TRPM2: variants seen among roughly 807,000 people sequenced by gnomAD.
The protein encoded by TRPM2 is transient receptor potential cation channel subfamily M member 2.
Under a neutral mutation model 174.0 loss-of-function variants are expected in TRPM2, and 161 were observed. The observed-to-expected ratio is 0.93, with a 90% CI of 0.81 to 1.05. The LOEUF is 1.05. TRPM2 is among the 50% of genes least tolerant of loss of function. The pLI is 0.00. For missense variants in TRPM2, 2,057 were observed against 2,038.0 expected (o/e 1.01, Z -0.18); for synonymous variants, 954 against 861.3 (o/e 1.11, Z -1.88).
At chr21:44,356,172 G>C (rs1273004773) in intron 2 of TRPM2, among the ~76,000 whole-genome samples, 1 of 136,152 alleles carries the variant, frequency 7.3e-6, no homozygotes, top group Non-Finnish European at 1.6e-5. Context: ...GTGAGCCACT[G>C]CATCTGGCTA....
In TRPM2 at chr21:44,439,025, T is replaced by A; in HGVS notation, c.4168-42T>A. The stretch of plus-strand genomic sequence containing the variant: ...GTGCCAGGGCAGCCTGAGGTCCCGC[T>A]TCGGTGCCCTGTTGACCTGCCTCCG... On this transcript the variant is annotated intron_variant, in intron 29 of 31. Transcript: ENST00000397928. This position sits in a 1 kb window ranked among gnomAD's most constrained non-coding sequence, Gnocchi z 5.1. 1 of 1,562,398 alleles carries A rather than the reference T, an allele frequency of 6.4e-7. No individual in the cohort carries two copies. Among genetic ancestry groups the A allele is most frequent in the Non-Finnish European group, 8.8e-7 (1 of 1,140,310 alleles).
intron 9 of TRPM2, among the ~76,000 whole-genome samples, chr21:44,388,167 C>T (rs1326838732): frequency 6.6e-6 from 1 of 152,060 alleles, no homozygotes; most frequent in Non-Finnish European, 1.5e-5. Context: ...TGTCCATTGA[C>T]AGAAGAATAG....
intron 9 of TRPM2, among the ~76,000 whole-genome samples, chr21:44,384,035 A>G (rs1242779140): frequency 7.2e-5 from 11 of 152,244 alleles, no homozygotes; most frequent in Middle Eastern, 3.2e-3. Context: ...TAAAGAATAG[A>G]AAATTGCAGA....
chr21:44,440,751 T>C (rs766011217), intron 30 of TRPM2, 38 bp from the exon 31 acceptor site: 59 of 1,569,628 alleles, frequency 3.8e-5, no homozygotes, highest in Non-Finnish European at 4.8e-5. Flanking sequence ...CGCTCAGGTG[T>C]CCCTCGCTGT....
chr21:44,441,937 G>T lies in TRPM2; in HGVS notation c.*120G>T, dbSNP rs1165303615. The T allele has an allele frequency of 1.5e-6, 2 of 1,364,526 alleles. No individual in the cohort carries two copies. Among genetic ancestry groups the T allele is most frequent in the East Asian group, 5.4e-5 (2 of 37,068 alleles). 84.5% of individuals were successfully genotyped at this position (1,364,526 alleles called of 1,614,324 possible). ...CTGGGCCCTGCACATGATGGGGTTT[G>T]GTGGACCCAGTGCCCCTCACGGCTG... On this transcript the variant is annotated 3_prime_UTR_variant, in exon 32 of 32. Coordinates refer to ENST00000397928, the MANE Select transcript of TRPM2 (RefSeq NM_003307.4).
intron 19 of TRPM2, among the ~76,000 whole-genome samples, chr21:44,412,846 G>A (rs560518300): frequency 6.6e-6 from 1 of 151,982 alleles, no homozygotes; most frequent in African/African-American, 2.4e-5. Flanking sequence ...ATTAATATAG[G>A]AATTTATAGC....
intron 16 of TRPM2, among the ~76,000 whole-genome samples, chr21:44,403,117 C>T (rs1330577053): frequency 6.6e-6 from 1 of 152,156 alleles, no homozygotes; most frequent in Non-Finnish European, 1.5e-5. Context: ...ACCAGACCCT[C>T]TCTACAAGGG....
At chr21:44,435,280 G>C (rs760749680) in intron 28 of TRPM2, 63 bp downstream of exon 28, 23 of 1,570,494 alleles carry the variant, frequency 1.5e-5, no homozygotes, top group Non-Finnish European at 1.9e-5. Context: ...TTCACAAGGG[G>C]CGGCTGCCAT....
intron 2 of TRPM2, among the ~76,000 whole-genome samples, chr21:44,358,105 C>T (rs2048109080): frequency 6.6e-6 from 1 of 152,228 alleles, no homozygotes. Flanking sequence ...CTCGTCCAGA[C>T]CTGGAGCCCC....
intron 17 of TRPM2, 24 bp downstream of exon 17, chr21:44,405,284 G>A (rs753900118): frequency 9.3e-6 from 15 of 1,609,886 alleles, no homozygotes; most frequent in South Asian, 1.1e-5. Context: ...CCCCGATGGC[G>A]GGCCCGTCTG....
At chr21:44,378,599 C>T (rs769353095) in intron 7 of TRPM2, among the ~76,000 whole-genome samples, 1 of 152,198 alleles carries the variant, frequency 6.6e-6, no homozygotes, top group Non-Finnish European at 1.5e-5. Context: ...GTGTCCAGTC[C>T]CTTCCCGAAG....
At chr21:44,440,767 T>C in intron 30 of TRPM2, 22 bp from the exon 31 acceptor site, 1 of 1,608,916 alleles carries the variant, frequency 6.2e-7, no homozygotes. Context: ...GCTGTCGGGC[T>C]TACCCTGCCC....
Position 44,354,349 on chromosome 21 carries a change from C to T in TRPM2, c.166-299C>T, listed in dbSNP as rs567365738. On this transcript the variant is annotated intron_variant, in intron 1 of 31. Transcript: ENST00000397928. This position sits in a 1 kb window ranked among gnomAD's most constrained non-coding sequence, Gnocchi z 4.3. ...CAGGTCCCCAGATCCCCAGCCTCCA[C>T]GTTTTCCACCACACCATGTTGTTCC... 3.3e-5 allele frequency among the ~76,000 whole-genome samples: 5 copies of T among 152,182 alleles called. No homozygotes were observed. Among genetic ancestry groups the T allele is most frequent in the Non-Finnish European group, 4.4e-5 (3 of 68,038 alleles).
intron 2 of TRPM2, among the ~76,000 whole-genome samples, chr21:44,361,220 C>T (rs1215327381): frequency 6.6e-6 from 1 of 152,166 alleles, no homozygotes; most frequent in Admixed American, 6.5e-5. Flanking sequence ...ACTGCAACCT[C>T]CGCCTCCCGG....
chr21:44,410,069 AGC>A (rs2050049329), intron 19 of TRPM2, among the ~76,000 whole-genome samples: 9 of 89,624 alleles, frequency 1.0e-4, no homozygotes, highest in Non-Finnish European at 1.4e-4. Context: ...TGTCTTGGTG[AGC>A]GTAGCCTTGT....
chr21:44,403,509 CATGTACACAT>C (rs879870955), intron 16 of TRPM2, among the ~76,000 whole-genome samples: 2 of 151,554 alleles, frequency 1.3e-5, no homozygotes, highest in Admixed American at 6.6e-5. Context: ...CATGCACACA[CATGTACACAT>C]GCACACAAAT....
chr21:44,385,422 C>T (rs1360279977), intron 9 of TRPM2, among the ~76,000 whole-genome samples: 6 of 152,194 alleles, frequency 3.9e-5, no homozygotes, highest in Admixed American at 3.9e-4. Context: ...CCTAACTTTA[C>T]AGCTTAAGTA....
intron 9 of TRPM2, among the ~76,000 whole-genome samples, chr21:44,390,486 T>C (rs1386007682): frequency 2.6e-5 from 4 of 152,176 alleles, no homozygotes; most frequent in Non-Finnish European, 5.9e-5. Flanking sequence ...GTTGAACATT[T>C]ACAGGCAGTT....
chr21:44,355,608 T>C (rs2048037956), intron 2 of TRPM2, among the ~76,000 whole-genome samples: 1 of 152,192 alleles, frequency 6.6e-6, no homozygotes. Context: ...TGTGGCTTTG[T>C]GTTCATCTTT....
Sources: gnomAD v4.1 joint callset for allele counts (sites outside exome capture counted in the v4.1 genomes callset) on GRCh38, gnomAD v4.1.1 for gene constraint, Gnocchi (gnomAD v3.1) non-coding constraint, MANE v1.5 for transcripts, NCBI Gene and HGNC (gene_info 2026-07-23, HGNC 2026-07-21) for gene names.